Variants in NT5DC1 observed in about 807,000 individuals in gnomAD.
NT5DC1 encodes 5'-nucleotidase domain-containing protein 1.
NT5DC1 carries 42 observed loss-of-function variants against 59.4 expected under a neutral mutation model. That is an observed-to-expected ratio of 0.71 (90% CI 0.55 to 0.92). The LOEUF (loss-of-function observed/expected upper bound fraction) is 0.92. Among genes scored for constraint, NT5DC1 ranks in the 40% least tolerant of loss-of-function variants. The pLI, the probability that NT5DC1 is intolerant of heterozygous loss-of-function variation, is 0.00. For missense variants in NT5DC1, 501 were observed against 537.1 expected (o/e 0.93, Z 0.66); for synonymous variants, 172 against 188.1 (o/e 0.91, Z 0.70).
chr6:116,219,823 G>A (rs1194127184), intron 6 of NT5DC1, among the ~76,000 whole-genome samples: 2 of 151,806 alleles, frequency 1.3e-5, no homozygotes, highest in Admixed American at 6.6e-5. Context: ...TTAGCTGGGC[G>A]TGGTGGCACA....
chr6:116,108,556 TTGTC>T (rs1355627734), intron 3 of NT5DC1, 121 bp downstream of exon 3: 33 of 664,414 alleles, frequency 5.0e-5, no homozygotes, highest in Non-Finnish European at 7.3e-5. Context: ...AGATGACAGA[TTGTC>T]TGTCTACATG....
intron 11 of NT5DC1, among the ~76,000 whole-genome samples, chr6:116,242,674 A>G (rs1177178443): frequency 6.6e-6 from 1 of 152,146 alleles, no homozygotes; most frequent in Non-Finnish European, 1.5e-5. Context: ...TAATCTTTCC[A>G]TTTTCACAAT....
At chr6:116,180,613 T>C (rs1286765536) in intron 6 of NT5DC1, among the ~76,000 whole-genome samples, 1 of 152,098 alleles carries the variant, frequency 6.6e-6, no homozygotes, top group Non-Finnish European at 1.5e-5. Flanking sequence ...ATACATTCTC[T>C]ATAAAACTGT....
chr6:116,228,627 A>C (rs1406154973), intron 8 of NT5DC1, among the ~76,000 whole-genome samples: 1 of 152,216 alleles, frequency 6.6e-6, no homozygotes, highest in Non-Finnish European at 1.5e-5. Context: ...CAGTGGAAGA[A>C]ATATTTTTTA....
At chr6:116,172,228 A>G (rs1210525478) in intron 6 of NT5DC1, among the ~76,000 whole-genome samples, 1 of 151,980 alleles carries the variant, frequency 6.6e-6, no homozygotes, top group Non-Finnish European at 1.5e-5. Context: ...ATAGTATATA[A>G]TAAGTGGTTT....
At chr6:116,144,771 G>A (rs1309125609) in intron 6 of NT5DC1, among the ~76,000 whole-genome samples, 1 of 152,150 alleles carries the variant, frequency 6.6e-6, no homozygotes, top group Non-Finnish European at 1.5e-5. Context: ...CAGGAGTGGT[G>A]AGCCAATGGT....
At chr6:116,136,619 A>C (rs554416345) in intron 6 of NT5DC1, among the ~76,000 whole-genome samples, 3 of 152,158 alleles carry the variant, frequency 2.0e-5, no homozygotes, top group African/African-American at 7.2e-5. Context: ...ATTTGAGTCA[A>C]ATTTCATTTG....
intron 7 of NT5DC1, 74 bp downstream of exon 7, chr6:116,221,302 A>G (rs1781799676): frequency 1.1e-6 from 1 of 874,440 alleles, no homozygotes; most frequent in Non-Finnish European, 1.8e-6. Flanking sequence ...CTTTTTTAAA[A>G]GTGTCAGCCA....
chr6:116,214,821 A>T (rs542364606), intron 6 of NT5DC1, among the ~76,000 whole-genome samples: 9 of 133,860 alleles, frequency 6.7e-5, no homozygotes, highest in Admixed American at 5.7e-4. Flanking sequence ...AAAGTATAAT[A>T]AAAAAAAAAA....
chr6:116,200,934 C>T (rs1269866525), intron 6 of NT5DC1, among the ~76,000 whole-genome samples: 1 of 152,000 alleles, frequency 6.6e-6, no homozygotes, highest in South Asian at 2.1e-4. Context: ...CTTACCAGTG[C>T]TTTTTTCTAA....
intron 6 of NT5DC1, among the ~76,000 whole-genome samples, chr6:116,196,069 A>G (rs1376972970): frequency 3.3e-5 from 5 of 151,984 alleles, no homozygotes; most frequent in Admixed American, 1.3e-4. Flanking sequence ...TAAACTTGAC[A>G]TTCTGTTATC....
At chr6:116,184,226 AT>A (rs894547296) in intron 6 of NT5DC1, among the ~76,000 whole-genome samples, 52 of 152,194 alleles carry the variant, frequency 3.4e-4, no homozygotes, top group Non-Finnish European at 6.0e-4. Flanking sequence ...ATGTCAAACT[AT>A]CCCTGCGTCC....
intron 8 of NT5DC1, among the ~76,000 whole-genome samples, chr6:116,230,038 A>G (rs1208518048): frequency 2.6e-5 from 4 of 152,164 alleles, no homozygotes; most frequent in Non-Finnish European, 5.9e-5. Flanking sequence ...AGAATTCTCC[A>G]GCTAATAACC....
At chr6:116,131,704 AAGTGC>A (rs1416922771) in intron 6 of NT5DC1, among the ~76,000 whole-genome samples, 1 of 152,148 alleles carries the variant, frequency 6.6e-6, no homozygotes, top group Non-Finnish European at 1.5e-5. Flanking sequence ...TCAGGGGTAC[AAGTGC>A]AGGTGTGTTA....
At chr6:116,224,924 G>A (rs551824706) in intron 8 of NT5DC1, among the ~76,000 whole-genome samples, 1 of 152,156 alleles carries the variant, frequency 6.6e-6, no homozygotes, top group Non-Finnish European at 1.5e-5. Flanking sequence ...GATAACTGTC[G>A]TGGTTTGGTC....
At chr6:116,142,931 A>G (rs9488850) in intron 6 of NT5DC1, among the ~76,000 whole-genome samples, 3 of 152,116 alleles carry the variant, frequency 2.0e-5, no homozygotes, top group Non-Finnish European at 4.4e-5. Flanking sequence ...GCAAAATCCA[A>G]AAATCTGGAT....
chr6:116,200,279 G>T (rs140836041), intron 6 of NT5DC1, among the ~76,000 whole-genome samples: 1 of 151,906 alleles, frequency 6.6e-6, no homozygotes, highest in African/African-American at 2.4e-5. Flanking sequence ...ACTATGTCAC[G>T]GTCAAGAGTA....
rs1295391673 is a variant in NT5DC1, at chr6:116,246,688, A to C, written c.*2664A>C. On this transcript the variant is annotated 3_prime_UTR_variant, in exon 12 of 12. Transcript: ENST00000319550. ...ACATCTTTTCAGCCTCTTGAGTACA[A>C]GAAGACTATCATAAGAGTTAGTTCC... The C allele has an allele frequency of 1.3e-5, 2 of 152,166 alleles. No individual in the cohort carries two copies. The highest frequency in any genetic ancestry group is 2.4e-5 in the African/African-American group (1 of 41,454). The allele number at this position is 152,166 out of a possible 1,614,324, so 9.4% of individuals were successfully genotyped here. A position where few individuals can be genotyped will look rare whatever the true frequency, so the allele number is the denominator to read the frequency against.
chr6:116,115,925 A>G (rs879450805), intron 5 of NT5DC1, among the ~76,000 whole-genome samples, 155 bp downstream of exon 5: 1 of 152,172 alleles, frequency 6.6e-6, no homozygotes, highest in African/African-American at 2.4e-5. Flanking sequence ...ATTTGGTTCA[A>G]ATATTTTTGG....
Sources: allele counts gnomAD v4.1 joint callset (sites outside exome capture counted in the v4.1 genomes callset), GRCh38; gene constraint gnomAD v4.1.1; transcripts MANE v1.5; gene names NCBI Gene and HGNC (gene_info 2026-07-23, HGNC 2026-07-21).